Variants in CELF2 observed in about 807,000 individuals in gnomAD.
The protein encoded by CELF2 is CUGBP Elav-like family member 2, also known as CUG triplet repeat RNA-binding protein 2.
CELF2 carries 8 observed loss-of-function variants against 62.6 expected under a neutral mutation model. The observed-to-expected ratio is 0.13, with a 90% confidence interval of 0.07 to 0.23. The LOEUF is 0.23. Ranked by LOEUF, CELF2 falls within the 10% of genes least tolerant of loss-of-function variation. The probability of loss-of-function intolerance (pLI) is 1.00; values close to 1 mark genes in which losing one functional copy is unlikely to be tolerated. For synonymous variants in CELF2, 258 were observed against 250.0 expected (o/e 1.03, Z -0.30); for missense variants, 333 against 671.0 (o/e 0.50, Z 5.56).
In CELF2 at chr10:10,972,701, C is replaced by G. The variant is rs1349963605; in HGVS notation, c.89+52702C>G. ...TCCTCTGCCTCCTCACCTGGCTGCT[C>G]CTGGGGCACTTCAAACTCAACGAGC... is the stretch of plus-strand genomic sequence containing the variant. On this transcript the variant is annotated intron_variant, in intron 2 of 13. Transcript: ENST00000636488. The surrounding 1 kb of genome is among the most constrained non-coding windows in gnomAD (Gnocchi z 4.4). Among the ~76,000 whole-genome samples, 1 of 152,198 alleles carries G rather than the reference C, an allele frequency of 6.6e-6. No individual in the cohort carries two copies. The highest frequency in any genetic ancestry group is 6.5e-5 in the Admixed American group (1 of 15,276).
chr10:10,817,381 A>C (rs1305342693), intron 1 of CELF2, among the ~76,000 whole-genome samples: 2 of 152,208 alleles, frequency 1.3e-5, no homozygotes. Context: ...GACTATAGTC[A>C]TTCCCACTGT....
At chr10:11,068,622 C>G (rs1291855) in intron 1 of CELF2, among the ~76,000 whole-genome samples, 49,470 of 151,324 alleles carry the variant, frequency 0.33, 8,812 homozygotes, top group African/African-American at 0.43. Context: ...GTGCAGTGGC[C>G]CGATCTTGGC....
intron 1 of CELF2, among the ~76,000 whole-genome samples, chr10:10,913,930 A>G (rs1248709881): frequency 3.5e-5 from 5 of 141,824 alleles, no homozygotes. Flanking sequence ...GGGGAAGGAA[A>G]GGGAAGGAAG....
At position 11,331,931 on chromosome 10, in the gene CELF2, A is replaced by G. The variant is rs1040416245; in HGVS notation, c.*2878A>G. The G allele has an allele frequency of 1.3e-5, 2 of 152,164 alleles. No homozygotes were observed. Among genetic ancestry groups the G allele is most frequent in the Non-Finnish European group, 2.9e-5 (2 of 68,012 alleles). The allele number at this position is 152,164 out of a possible 1,614,324, so 9.4% of individuals were successfully genotyped here. On this transcript the variant is annotated 3_prime_UTR_variant, in exon 13 of 13. Coordinates refer to ENST00000633077, the MANE Select transcript of CELF2 (RefSeq NM_001326342.2). ...TTGTTTTGGGGTGTTTCCAATTTGG[A>G]TTTTTTTCCCTGCATCTATCCTCTA...
chr10:10,903,748 C>T (rs971970381), intron 1 of CELF2, among the ~76,000 whole-genome samples: 22 of 152,184 alleles, frequency 1.4e-4, no homozygotes, highest in Admixed American at 2.6e-4. Flanking sequence ...GAGTGAAGGG[C>T]GTCAGGGATA....
chr10:11,176,017 CGT>C (rs2070957640), intron 2 of CELF2, among the ~76,000 whole-genome samples: 1 of 152,158 alleles, frequency 6.6e-6, no homozygotes, highest in Non-Finnish European at 1.5e-5. Context: ...TTCTTGTGCG[CGT>C]GTGTTTTCTG....
rs377289974 is a variant in CELF2 at position 11,260,187 on chromosome 10, A to T, written c.538+2315A>T. ...ACTATATCTGCCCTGCTTCTCTTGC[A>T]GGGAGTCATTCACGGCTGGTGTGCT... On this transcript the variant is annotated intron_variant, in intron 5 of 12. Coordinates refer to ENST00000633077, the MANE Select transcript of CELF2 (RefSeq NM_001326342.2). The surrounding 1 kb of genome is among the most constrained non-coding windows in gnomAD (Gnocchi z 4.2). 6.6e-6 allele frequency among the ~76,000 whole-genome samples: 1 copy of T among 152,224 alleles called. No individual in the cohort carries two copies. Among genetic ancestry groups the T allele is most frequent in the African/African-American group, 2.4e-5 (1 of 41,458 alleles).
Position 11,321,862 on chromosome 10 carries a change from A to G in CELF2, c.1294+476A>G, listed in dbSNP as rs1188755668. Among the ~76,000 whole-genome samples the G allele has an allele frequency of 1.3e-5, 2 of 152,188 alleles. No individual in the cohort carries two copies. Among genetic ancestry groups the G allele is most frequent in the African/African-American group, 4.8e-5 (2 of 41,440 alleles). On this transcript the variant is annotated intron_variant, in intron 11 of 12. Coordinates refer to ENST00000633077, the MANE Select transcript of CELF2 (RefSeq NM_001326342.2). This position sits in a 1 kb window ranked among gnomAD's most constrained non-coding sequence, Gnocchi z 6.2. The stretch of plus-strand genomic sequence containing the variant: ...ATAAATGGTTTTAATTATTTCCCCC[A>G]GCTACATCTTCTGAAGGGTTATGGC...
intron 1 of CELF2, among the ~76,000 whole-genome samples, chr10:11,095,239 G>A (rs2049478967): frequency 6.6e-6 from 1 of 152,176 alleles, no homozygotes; most frequent in South Asian, 2.1e-4. Context: ...TCTGAGAGAA[G>A]CATGCACATG....
intron 8 of CELF2, among the ~76,000 whole-genome samples, chr10:11,282,535 C>T (rs1170285052): frequency 2.0e-5 from 3 of 152,248 alleles, no homozygotes; most frequent in Non-Finnish European, 4.4e-5. Context: ...CTTGCTTCTG[C>T]TGTCATTGTC....
At chr10:10,668,859 G>A in the CELF2 span, among the ~76,000 whole-genome samples, 3 of 152,132 alleles carry the variant, frequency 2.0e-5, no homozygotes, top group Non-Finnish European at 4.4e-5. Flanking sequence ...TCAGGAGGCT[G>A]AGGCAGGAAA....
intron 1 of CELF2, among the ~76,000 whole-genome samples, chr10:11,084,275 T>C (rs556659663): frequency 6.6e-6 from 1 of 152,324 alleles, no homozygotes; most frequent in African/African-American, 2.4e-5. Flanking sequence ...GCGGCTCTTG[T>C]GTTCAGGGTC....
chr10:10,758,126 G>A, the CELF2 span, among the ~76,000 whole-genome samples: 1 of 152,204 alleles, frequency 6.6e-6, no homozygotes, highest in South Asian at 2.1e-4. Flanking sequence ...TCTGTGTTGA[G>A]AGATTTCAAA....
chr10:10,929,840 G>A (rs2065892930), intron 2 of CELF2, among the ~76,000 whole-genome samples: 1 of 152,228 alleles, frequency 6.6e-6, no homozygotes, highest in African/African-American at 2.4e-5. Context: ...CAAATTCAGA[G>A]TTTAATTATG....
chr10:11,218,276 C>A (rs1267179326), intron 3 of CELF2, among the ~76,000 whole-genome samples: 24 of 152,114 alleles, frequency 1.6e-4, no homozygotes, highest in Non-Finnish European at 2.9e-5. Flanking sequence ...TAATGAAGCA[C>A]CTGTGGTAAC....
At chr10:10,736,807 A>G in the CELF2 span, among the ~76,000 whole-genome samples, 4 of 152,084 alleles carry the variant, frequency 2.6e-5, no homozygotes, top group African/African-American at 7.2e-5. Context: ...CACCAACACC[A>G]ATCTGTTTAA....
chr10:11,123,897 C>T (rs150105606), intron 1 of CELF2, among the ~76,000 whole-genome samples: 41 of 152,268 alleles, frequency 2.7e-4, no homozygotes, highest in African/African-American at 9.6e-4. Flanking sequence ...AGTTCTCATG[C>T]TGCTAATAAA....
chr10:11,092,328 A>G (rs1468872442), intron 1 of CELF2: 1 of 152,190 alleles, frequency 6.6e-6, no homozygotes, highest in Non-Finnish European at 1.5e-5. Flanking sequence ...ATCAAAACAC[A>G]AACAAGAGGT....
the CELF2 span, among the ~76,000 whole-genome samples, chr10:10,676,929 C>T: frequency 1.3e-5 from 2 of 152,168 alleles, no homozygotes; most frequent in African/African-American, 4.8e-5. Context: ...TTAAATTAAA[C>T]CTGTCTTTAC....
Sources: allele counts gnomAD v4.1 joint callset (sites outside exome capture counted in the v4.1 genomes callset), GRCh38; gene constraint gnomAD v4.1.1; non-coding constraint Gnocchi (gnomAD v3.1); transcripts MANE v1.5; gene names NCBI Gene and HGNC (gene_info 2026-07-23, HGNC 2026-07-21).